Variants in MAGI1 observed in about 807,000 individuals in gnomAD.
MAGI1 encodes membrane-associated guanylate kinase, WW and PDZ domain-containing protein 1.
Under a neutral mutation model 139.9 loss-of-function variants are expected in MAGI1, and 58 were observed. That is an observed-to-expected ratio of 0.41 (90% confidence interval 0.34 to 0.52). The LOEUF (loss-of-function observed/expected upper bound fraction) is 0.52. Among genes scored for constraint, MAGI1 ranks in the 20% least tolerant of loss-of-function variants. The pLI is 0.12. For synonymous variants in MAGI1, 812 were observed against 737.9 expected, an observed-to-expected ratio of 1.10 and a Z score of -1.63; for missense variants, 1,874 against 1,901.6, an observed-to-expected ratio of 0.99 and a Z score of 0.27.
chr3:65,813,518 T>C lies in MAGI1; in HGVS notation c.314-191430A>G, dbSNP rs73135084. On this transcript the variant is annotated intron_variant, in intron 1 of 22. Coordinates refer to ENST00000402939, the MANE Select transcript of MAGI1 (RefSeq NM_001033057.2). ...GAAATTAGCAACTACTCAGAAAAAA[T>C]ATATACTACATAGTAATGGTGGGGA... Among the ~76,000 whole-genome samples, 708 of 152,256 alleles carry C rather than the reference T, an allele frequency of 4.7e-3. 3 individuals carry two copies. Among genetic ancestry groups the C allele is most frequent in the Admixed American group, 7.8e-3 (119 of 15,284 alleles).
intron 2 of MAGI1, among the ~76,000 whole-genome samples, chr3:65,620,226 T>G (rs536349453): frequency 1.2e-4 from 19 of 152,300 alleles, no homozygotes; most frequent in African/African-American, 4.6e-4. Context: ...ATTCTGCAAT[T>G]ACTGATTTCT....
chr3:65,593,726 C>T (rs188814780), intron 2 of MAGI1, among the ~76,000 whole-genome samples: 2 of 151,988 alleles, frequency 1.3e-5, no homozygotes, highest in African/African-American at 2.4e-5. Context: ...ATTTATTGAA[C>T]GTGTATTACC....
chr3:65,579,682 C>G (rs993979065), intron 2 of MAGI1, among the ~76,000 whole-genome samples: 1 of 148,050 alleles, frequency 6.8e-6, no homozygotes. Flanking sequence ...CCTGTCTCTA[C>G]TAAAAATGCA....
intron 1 of MAGI1, among the ~76,000 whole-genome samples, chr3:65,943,586 A>C (rs1022161688): frequency 6.6e-6 from 1 of 151,814 alleles, no homozygotes; most frequent in African/African-American, 2.4e-5. Context: ...AAAAAAAAAA[A>C]CTTCTCAGGA....
intron 10 of MAGI1, among the ~76,000 whole-genome samples, chr3:65,434,837 A>G (rs1437245286): frequency 6.6e-6 from 1 of 152,226 alleles, no homozygotes; most frequent in Non-Finnish European, 1.5e-5. Flanking sequence ...GAAGGGTGGT[A>G]AGAATAAACG....
At chr3:65,637,604 GAAA>G (rs2084714992) in intron 1 of MAGI1, among the ~76,000 whole-genome samples, 1 of 145,978 alleles carries the variant, frequency 6.9e-6, no homozygotes, top group Admixed American at 7.2e-5. Flanking sequence ...AAGAAAGAAA[GAAA>G]GAAAGAAAGA....
In MAGI1 at chr3:65,356,696, C is replaced by T. The variant is rs1281484709; in HGVS notation, c.4071G>A (p.Arg1357=). Residue 1357 remains arginine (R), a synonymous_variant, in exon 23 of 23, where the codon CGG becomes CGA. Transcript: ENST00000402939. ...RDVSPERRRE[R]SPTRRRDGSP... is the part of the protein sequence containing the mutation. ...AGCCGTCTCTCCTGCGGGTGGGTGA[C>T]CGCTCTCGCCTCCGCTCCGGAGAGA... is the stretch of plus-strand genomic sequence containing the variant. The T allele has an allele frequency of 6.3e-7, 1 of 1,592,436 alleles. No homozygotes were observed. The highest frequency in any genetic ancestry group is 8.5e-7 in the Non-Finnish European group (1 of 1,169,878).
chr3:65,379,111 ACTCCAT>A, intron 17 of MAGI1, 144 bp downstream of exon 17: 1 of 1,494,118 alleles, frequency 6.7e-7, no homozygotes, highest in Non-Finnish European at 9.0e-7. Flanking sequence ...TACCAAATCA[ACTCCAT>A]CTCCAATTAA....
intron 1 of MAGI1, among the ~76,000 whole-genome samples, chr3:65,944,257 T>C (rs150375513): frequency 6.6e-6 from 1 of 152,322 alleles, no homozygotes; most frequent in East Asian, 1.9e-4. Context: ...GGCTCAGGCC[T>C]GTAATCCCAG....
intron 2 of MAGI1, among the ~76,000 whole-genome samples, chr3:65,566,253 CA>C (rs140836403): frequency 1.3e-5 from 2 of 148,208 alleles, no homozygotes; most frequent in African/African-American, 5.0e-5. Context: ...GACTCTGTCT[CA>C]AAAAAAAATA....
intron 1 of MAGI1, among the ~76,000 whole-genome samples, chr3:65,809,411 G>A (rs987438384): frequency 1.3e-5 from 2 of 152,176 alleles, no homozygotes; most frequent in South Asian, 2.1e-4. Flanking sequence ...GTTCTCCAAC[G>A]TCATCCATTT....
chr3:65,528,861 T>C (rs73128963), intron 2 of MAGI1, among the ~76,000 whole-genome samples: 5,150 of 152,048 alleles, frequency 0.034, 125 homozygotes, highest in Admixed American at 0.069. Context: ...GCCTGGACAA[T>C]AGAGTGAGAA....
At chr3:65,963,396 T>C (rs2064562280) in intron 1 of MAGI1, among the ~76,000 whole-genome samples, 1 of 149,808 alleles carries the variant, frequency 6.7e-6, no homozygotes. Flanking sequence ...GGTGGGTGGA[T>C]CACAAGGTCA....
At chr3:65,682,215 AG>A (rs2087640816) in intron 1 of MAGI1, among the ~76,000 whole-genome samples, 1 of 152,226 alleles carries the variant, frequency 6.6e-6, no homozygotes, top group African/African-American at 2.4e-5. Context: ...ATGCAAAGCC[AG>A]AAAAGGAGAC....
At chr3:65,360,397 G>C in intron 22 of MAGI1, 1 of 960,962 alleles carries the variant, frequency 1.0e-6, no homozygotes, top group South Asian at 4.8e-5. Context: ...CAAATAAATA[G>C]GACATAATTA....
chr3:65,414,521 C>A (rs1325208405), intron 12 of MAGI1, among the ~76,000 whole-genome samples: 1 of 152,230 alleles, frequency 6.6e-6, no homozygotes, highest in Non-Finnish European at 1.5e-5. Flanking sequence ...CAGAGCCCCA[C>A]TCACACATTA....
chr3:66,024,670 G>A (rs1468487043), intron 1 of MAGI1, among the ~76,000 whole-genome samples: 4 of 152,136 alleles, frequency 2.6e-5, no homozygotes, highest in Admixed American at 6.5e-5. Flanking sequence ...GCTGGGTGTG[G>A]TGGTGCATGC....
intron 1 of MAGI1, among the ~76,000 whole-genome samples, chr3:65,764,657 C>T (rs2037322461): frequency 6.6e-6 from 1 of 152,200 alleles, no homozygotes; most frequent in Non-Finnish European, 1.5e-5. Context: ...AGACAGCAGA[C>T]ATCTACCATC....
At chr3:65,581,285 G>A (rs1197460178) in intron 2 of MAGI1, among the ~76,000 whole-genome samples, 4 of 151,910 alleles carry the variant, frequency 2.6e-5, no homozygotes, top group Non-Finnish European at 1.5e-5. Flanking sequence ...ACTTGTATAT[G>A]AACCTTTACT....
Sources: allele counts gnomAD v4.1 joint callset (sites outside exome capture counted in the v4.1 genomes callset), GRCh38; gene constraint gnomAD v4.1.1; transcripts MANE v1.5; gene names NCBI Gene and HGNC (gene_info 2026-07-23, HGNC 2026-07-21).